GRB10: variants seen among roughly 807,000 people sequenced by gnomAD.
The protein encoded by GRB10 is growth factor receptor bound protein 10.
In GRB10, 20 loss-of-function variants were observed where a neutral mutation model predicts 80.9. That is an observed-to-expected ratio of 0.25 (90% confidence interval 0.17 to 0.36). The LOEUF (loss-of-function observed/expected upper bound fraction) is 0.36, where lower values mean the gene tolerates loss of function less well. Ranked by LOEUF, GRB10 falls within the 10% of genes least tolerant of loss-of-function variation. The pLI is 1.00. For synonymous variants in GRB10, 291 were observed against 291.5 expected, an observed-to-expected ratio of 1.00 and a Z score of 0.02; for missense variants, 548 against 747.7, an observed-to-expected ratio of 0.73 and a Z score of 3.12.
Position 50,599,165 on chromosome 7 carries a change from G to C in GRB10, c.1545-3635C>G, listed in dbSNP as rs113725226. On this transcript the variant is annotated intron_variant, in intron 17 of 18. Transcript: ENST00000401949. Reference sequence around the variant, plus strand: ...ACGAGTATGTGCGCGCACACGCTCAGCTGCATGGGTGGGGACGGGGATGGG... The same window carrying C: ...ACGAGTATGTGCGCGCACACGCTCACCTGCATGGGTGGGGACGGGGATGGG... Among the ~76,000 whole-genome samples, 237 of 152,322 alleles carry C rather than the reference G, an allele frequency of 1.6e-3. 3 individuals are homozygous for C. The highest frequency in any genetic ancestry group is 5.4e-3 in the African/African-American group (225 of 41,560).
chr7:50,703,804 T>C lies in GRB10; in HGVS notation c.139+17A>G. The C allele has an allele frequency of 1.3e-6, 2 of 1,592,828 alleles. No individual in the cohort carries two copies. The highest frequency in any genetic ancestry group is 1.7e-6 in the Non-Finnish European group (2 of 1,161,160). On this transcript the variant is annotated intron_variant, in intron 5 of 18. Coordinates refer to ENST00000401949, the MANE Select transcript of GRB10 (RefSeq NM_001350814.2). ...AGCTAGAACTGGGAGTGTTCTTGTG[T>C]TTTGCTCATTCCTTACCCTGGTGAT...
intron 1 of GRB10, chr7:50,792,678 C>T: frequency 2.6e-6 from 1 of 385,502 alleles, no homozygotes; most frequent in Non-Finnish European, 4.6e-6. Flanking sequence ...CGAGGCTGGG[C>T]CGGCTCGGGA....
chr7:50,625,369 G>C (rs1256795168), intron 8 of GRB10, among the ~76,000 whole-genome samples: 1 of 151,948 alleles, frequency 6.6e-6, no homozygotes, highest in African/African-American at 2.4e-5. Context: ...AAACTATACA[G>C]ACTTGTTTTT....
intron 4 of GRB10, chr7:50,711,087 C>A (rs1389456885): frequency 1.7e-5 from 11 of 632,946 alleles, no homozygotes; most frequent in Non-Finnish European, 2.6e-5. Context: ...GAAATGTCTT[C>A]CACCTGGGAG....
intron 7 of GRB10, among the ~76,000 whole-genome samples, chr7:50,640,259 C>T (rs1237763427): frequency 2.6e-5 from 4 of 152,220 alleles, no homozygotes; most frequent in Non-Finnish European, 5.9e-5. Context: ...TCTAAGGATG[C>T]TGGAGATCCC....
rs1372604832 is a variant in GRB10, at chr7:50,677,602, A to G, written c.140-2944T>C. Among the ~76,000 whole-genome samples the G allele has an allele frequency of 3.3e-5, 5 of 152,216 alleles. No homozygotes were observed. In the East Asian group the frequency reaches 5.8e-4, roughly 18 times the overall value. ...GGGCTTCAGGAAAGTTCTAGAACGT[A>G]TGCATCACGCACCCACTCATCTCCT... On this transcript the variant is annotated intron_variant, in intron 5 of 18. Coordinates refer to ENST00000401949, the MANE Select transcript of GRB10 (RefSeq NM_001350814.2).
intron 13 of GRB10, 121 bp from the exon 14 acceptor site, chr7:50,606,535 G>C: frequency 1.3e-6 from 1 of 744,342 alleles, no homozygotes; most frequent in East Asian, 2.6e-5. Context: ...CCCTGTACCA[G>C]CCTCCAGGAG....
rs983258668 is a variant in GRB10 at position 50,782,219 on chromosome 7, C to T, written c.-327+205G>A. Among the ~76,000 whole-genome samples the T allele has an allele frequency of 6.6e-6, 1 of 152,014 alleles. No individual in the cohort carries two copies. Among genetic ancestry groups the T allele is most frequent in the African/African-American group, 2.4e-5 (1 of 41,436 alleles). On this transcript the variant is annotated intron_variant, in intron 1 of 18. Transcript: ENST00000401949. The surrounding 1 kb of genome is among the most constrained non-coding windows in gnomAD (Gnocchi z 6.6). Reference sequence around the variant, plus strand: ...AATACTGTCCTATGGCTGGCGGCAACGAAGCTCGGGATCTCGGACTGCAGC... The same window carrying T: ...AATACTGTCCTATGGCTGGCGGCAATGAAGCTCGGGATCTCGGACTGCAGC...
At chr7:50,740,427 G>C (rs891171984) in intron 3 of GRB10, among the ~76,000 whole-genome samples, 8 of 152,216 alleles carry the variant, frequency 5.3e-5, no homozygotes, top group African/African-American at 1.9e-4. Context: ...ATAAGGGTAA[G>C]TTGTACAATT....
At chr7:50,731,167 C>A (rs1239434274) in intron 4 of GRB10, among the ~76,000 whole-genome samples, 1 of 152,172 alleles carries the variant, frequency 6.6e-6, no homozygotes, top group Non-Finnish European at 1.5e-5. Flanking sequence ...GGGGTCACCA[C>A]CAAACTTTGC....
In GRB10 at chr7:50,614,061, TATC is replaced by T. The variant is rs1469129187; in HGVS notation, c.1095+706_1095+708del. Among the ~76,000 whole-genome samples the T allele has an allele frequency of 9.8e-5, 15 of 152,334 alleles. No homozygotes were observed. In the East Asian group the frequency reaches 2.7e-3, roughly 27 times the overall value. Reference sequence around the variant, plus strand: ...TCATGCACAGTAAGCATTCAGTAAATATCATCTACCATTATGATTATTAATACC... The same window carrying T: ...TCATGCACAGTAAGCATTCAGTAAATATCTACCATTATGATTATTAATACC... On this transcript the variant is annotated intron_variant, in intron 12 of 18. Transcript: ENST00000401949.
chr7:50,713,933 C>T (rs948300949), intron 4 of GRB10, among the ~76,000 whole-genome samples: 3 of 151,972 alleles, frequency 2.0e-5, no homozygotes, highest in Non-Finnish European at 4.4e-5. Flanking sequence ...CATTCCATCA[C>T]CTCTGCTCCT....
chr7:50,612,904 G>T (rs2049841329), intron 12 of GRB10, 65 bp from the exon 13 acceptor site: 4 of 1,071,074 alleles, frequency 3.7e-6, no homozygotes, highest in Non-Finnish European at 5.7e-6. Flanking sequence ...TTCTGTCAAG[G>T]CAGGGCTGCA....
At chr7:50,705,231 C>G in intron 4 of GRB10, 1 of 985,788 alleles carries the variant, frequency 1.0e-6, no homozygotes. Flanking sequence ...GGGACAGACT[C>G]CAGCAGGGTC....
At chr7:50,750,581 C>T (rs527834666) in intron 3 of GRB10, among the ~76,000 whole-genome samples, 21 of 152,290 alleles carry the variant, frequency 1.4e-4, no homozygotes, top group South Asian at 8.3e-4. Flanking sequence ...TGCTAGGGAA[C>T]GCAGTCCCAC....
chr7:50,767,517 A>G (rs1360223838), intron 2 of GRB10, among the ~76,000 whole-genome samples: 1 of 152,214 alleles, frequency 6.6e-6, no homozygotes, highest in East Asian at 1.9e-4. Context: ...CACAGGAAGC[A>G]GAATGCTCTG....
intron 7 of GRB10, among the ~76,000 whole-genome samples, chr7:50,636,298 G>C (rs2055009580): frequency 2.0e-5 from 3 of 152,054 alleles, no homozygotes; most frequent in Admixed American, 6.6e-5. Context: ...AATTTTAACA[G>C]CCATACAAAC....
At chr7:50,749,349 G>A (rs566790348) in intron 3 of GRB10, among the ~76,000 whole-genome samples, 6 of 151,958 alleles carry the variant, frequency 3.9e-5, no homozygotes, top group South Asian at 2.1e-4. Context: ...GGCTGATCTC[G>A]AACACCTGAC....
At chr7:50,655,857 G>GT (rs2058590957) in intron 7 of GRB10, among the ~76,000 whole-genome samples, 2 of 152,148 alleles carry the variant, frequency 1.3e-5, no homozygotes, top group African/African-American at 2.4e-5. Context: ...CTGGAACACT[G>GT]TATGCCTTCC....
Sources: gnomAD v4.1 joint callset for allele counts (sites outside exome capture counted in the v4.1 genomes callset) on GRCh38, gnomAD v4.1.1 for gene constraint, Gnocchi (gnomAD v3.1) non-coding constraint, MANE v1.5 for transcripts, NCBI Gene and HGNC (gene_info 2026-07-23, HGNC 2026-07-21) for gene names.